The following POLR1A variants were observed in gnomAD, a reference collection of about 807,000 sequenced individuals.
The protein encoded by POLR1A is RNA polymerase I subunit A.
Under a neutral mutation model 205.3 loss-of-function variants are expected in POLR1A, and 84 were observed. The ratio of observed to expected loss-of-function variants is 0.41; its 90% CI spans 0.34 to 0.49. The LOEUF is 0.49. POLR1A is among the 20% of genes least tolerant of loss of function. The pLI is 0.22. For missense variants in POLR1A, 1,645 were observed against 2,204.5 expected (o/e 0.75, Z 5.08); for synonymous variants, 799 against 863.7 (o/e 0.93, Z 1.31).
chr2:86,022,058 C>T lies in POLR1A; in HGVS notation c.*5365G>A, dbSNP rs1271311414. The T allele has an allele frequency of 4.6e-5, 7 of 152,222 alleles. No individual in the cohort carries two copies. The highest frequency in any genetic ancestry group is 7.3e-5 in the Non-Finnish European group (5 of 68,046). 9.4% of individuals were successfully genotyped at this position (152,222 alleles called of 1,614,324 possible). The stretch of plus-strand genomic sequence containing the variant: ...GATGCTGCTTAAAGAACTTAAGGAA[C>T]GAATCTGATTAAATAATTATGATTT... On this transcript the variant is annotated 3_prime_UTR_variant, in exon 34 of 34. Transcript: ENST00000263857.
In POLR1A at chr2:86,038,894, A is replaced by G. The variant is rs781730725; in HGVS notation, c.3877-37T>C. ...CGGACAGAGAGAACTTGACTTGTTC[A>G]GGTCCTAGGTGACTGCGCAATGTGA... is the stretch of plus-strand genomic sequence containing the variant. On this transcript the variant is annotated intron_variant, in intron 26 of 33. Transcript: ENST00000263857. The G allele has an allele frequency of 5.0e-6, 8 of 1,605,924 alleles. No individual in the cohort carries two copies. The Middle Eastern group carries it at 9.9e-4, about 199-fold the overall frequency.
chr2:86,080,410 G>A (rs1488049186), intron 9 of POLR1A, among the ~76,000 whole-genome samples: 2 of 152,216 alleles, frequency 1.3e-5, no homozygotes, highest in East Asian at 3.8e-4. Flanking sequence ...ATGAGCTCTA[G>A]TACTGTGACC....
At position 86,042,049 on chromosome 2, in the gene POLR1A, T is replaced by C. The variant is rs766950713; in HGVS notation, c.3412A>G (p.Lys1138Glu). The stretch of plus-strand genomic sequence containing the variant: ...CTGGGGTCAGGACAAGCGGCCGCCT[T>C]CTTCTGGTATTTCCTTCGGCTTTCC... Reference protein sequence around the residue: ...DEESRRKYQKKAAACPDPSLS... With the variant: ...DEESRRKYQKEAAACPDPSLS... Residue 1138 changes from lysine (K) to glutamate (E), a missense_variant, in exon 24 of 34, where the codon AAG (lysine) becomes GAG (glutamate). Coordinates refer to ENST00000263857, the MANE Select transcript of POLR1A (RefSeq NM_015425.6). The C allele has an allele frequency of 1.4e-5, 22 of 1,613,596 alleles. No homozygotes were observed. The highest frequency in any genetic ancestry group is 1.7e-4 in the Middle Eastern group (1 of 5,726).
At position 86,040,425 on chromosome 2, in the gene POLR1A, C is replaced by T; in HGVS notation, c.3707G>A (p.Arg1236Lys). 6.2e-7 allele frequency: 1 copy of T among 1,612,814 alleles called. No individual in the cohort carries two copies. The stretch of plus-strand genomic sequence containing the variant: ...GCCCAGGGTGACGTTCATCTCGCCT[C>T]TGCCTGCAAAGTGGAAGGTGTTGAG... ...MTLNTFHFAG[R>K]GEMNVTLGIP... The change falls in exon 25 of 34, where the codon AGA becomes AAA. Residue 1236 changes from arginine to lysine, a missense_variant. Coordinates refer to ENST00000263857, the MANE Select transcript of POLR1A (RefSeq NM_015425.6).
rs191224187 is a variant in POLR1A, at chr2:86,082,125, C to T, written c.818-419G>A. On this transcript the variant is annotated intron_variant, in intron 7 of 33. Coordinates refer to ENST00000263857, the MANE Select transcript of POLR1A (RefSeq NM_015425.6). ...TGCTGTGATTGGAGGCATGAGCCAA[C>T]GTGCCTGGCCTCATTTTTCTTTATA... 2.5e-3 allele frequency among the ~76,000 whole-genome samples: 375 copies of T among 152,174 alleles called. 3 individuals are homozygous for T. The highest frequency in any genetic ancestry group is 8.6e-3 in the African/African-American group (355 of 41,504).
chr2:86,031,611 C>A lies in POLR1A; in HGVS notation c.4297G>T (p.Glu1433Ter), dbSNP rs771621972. ...TCGTTCTCCTCGCCCTCCCTCTCCTCCTCTTCCTCACTCTCATAATCAACC... is the reference window on the plus strand; with the variant it reads ...TCGTTCTCCTCGCCCTCCCTCTCCTACTCTTCCTCACTCTCATAATCAACC... Reference protein sequence around the residue: ...EEVDYESEEEEEREGEENDDE... With the variant: ...EEVDYESEEE Residue 1433 changes from glutamate (E) to a stop codon, truncating the protein, a stop_gained, in exon 30 of 34, where the codon GAG (glutamate) becomes TAG (stop). Transcript: ENST00000263857. LOFTEE classifies it high-confidence loss of function. 8 of 1,612,876 alleles carry A rather than the reference C, an allele frequency of 5.0e-6. No individual in the cohort carries two copies. The South Asian group carries it at 8.8e-5, about 18-fold the overall frequency.
chr2:86,053,834 A>C (rs1187237620), intron 15 of POLR1A, among the ~76,000 whole-genome samples: 2 of 152,180 alleles, frequency 1.3e-5, no homozygotes, highest in Admixed American at 6.5e-5. Flanking sequence ...GATTATCTGA[A>C]GCCACTCAGC....
At chr2:86,063,760 G>A (rs534456672) in intron 14 of POLR1A, among the ~76,000 whole-genome samples, 2 of 152,160 alleles carry the variant, frequency 1.3e-5, no homozygotes, top group Non-Finnish European at 2.9e-5. Context: ...AGCAGGAAGA[G>A]ACCTTAGAGA....
intron 19 of POLR1A, 55 bp from the exon 20 acceptor site, chr2:86,045,824 G>A (rs1191682313): frequency 2.0e-6 from 3 of 1,489,504 alleles, no homozygotes; most frequent in South Asian, 2.4e-5. Context: ...GTTTAACAGT[G>A]CTTTGTCCCA....
Position 86,024,769 on chromosome 2 carries a change from A to T in POLR1A, c.*2654T>A, listed in dbSNP as rs969841688. 1 of 152,232 alleles carries T rather than the reference A, an allele frequency of 6.6e-6. No individual in the cohort carries two copies. The highest frequency in any genetic ancestry group is 1.5e-5 in the Non-Finnish European group (1 of 68,052). The allele number at this position is 152,232 out of a possible 1,614,324, so 9.4% of individuals were successfully genotyped here. On this transcript the variant is annotated 3_prime_UTR_variant, in exon 34 of 34. Coordinates refer to ENST00000263857, the MANE Select transcript of POLR1A (RefSeq NM_015425.6). Reference sequence around the variant, plus strand: ...GTTAGAAGCAAGCAAGTAGGTATGGATATCACCCCAAAGGGCAAGGTGAGA... The same window carrying T: ...GTTAGAAGCAAGCAAGTAGGTATGGTTATCACCCCAAAGGGCAAGGTGAGA...
chr2:86,089,080 A>C (rs1323786014), intron 4 of POLR1A, among the ~76,000 whole-genome samples: 1 of 152,260 alleles, frequency 6.6e-6, no homozygotes, highest in Non-Finnish European at 1.5e-5. Context: ...CTCAATTATA[A>C]TATGGGAATA....
chr2:86,040,501 C>G lies in POLR1A; in HGVS notation c.3631G>C (p.Val1211Leu). 1 of 1,611,716 alleles carries G rather than the reference C, an allele frequency of 6.2e-7. No homozygotes were observed. Among genetic ancestry groups the G allele is most frequent in the Non-Finnish European group, 8.5e-7 (1 of 1,178,948 alleles). Residue 1211 changes from valine (V) to leucine (L), a missense_variant, in exon 25 of 34, where the codon GTG becomes CTG. This residue lies in a region of POLR1A where 13 missense variants were observed against 55.1 expected (regional missense o/e 0.24). Coordinates refer to ENST00000263857, the MANE Select transcript of POLR1A (RefSeq NM_015425.6). ...QRSLCEPGEA[V>L]GLLAAQSIGE... ...ATGCTCTGGGCAGCCAGCAGGCCCA[C>G]AGCCTCGCCCGGCTCACACAGTGAG...
chr2:86,090,044 A>G, intron 3 of POLR1A, 115 bp from the exon 4 acceptor site: 2 of 635,608 alleles, frequency 3.1e-6, no homozygotes, highest in Non-Finnish European at 5.6e-6. Context: ...GGAGAAAAAG[A>G]AACTATGGCT....
At chr2:86,050,153 T>A (rs1672777527) in intron 16 of POLR1A, among the ~76,000 whole-genome samples, 1 of 152,120 alleles carries the variant, frequency 6.6e-6, no homozygotes, top group Admixed American at 6.5e-5. Flanking sequence ...CTTGACCTCA[T>A]GATCCACCTG....
At chr2:86,062,417 C>T (rs1487846566) in intron 14 of POLR1A, among the ~76,000 whole-genome samples, 1 of 151,628 alleles carries the variant, frequency 6.6e-6, no homozygotes, top group Non-Finnish European at 1.5e-5. Context: ...GAAAAGCCCT[C>T]AATATTTGTA....
At position 86,045,196 on chromosome 2, in the gene POLR1A, T is replaced by C. The variant is rs1354368157; in HGVS notation, c.2969+82A>G. ...GTTTTTTCATCCAAGGAATCTTAAA[T>C]GAGCTGCTGATATAATGTGAAAGAT... On this transcript the variant is annotated intron_variant, in intron 21 of 33. Transcript: ENST00000263857. 101 of 912,132 alleles carry C rather than the reference T, an allele frequency of 1.1e-4. 1 individual carries two copies. Among genetic ancestry groups the C allele is most frequent in the Non-Finnish European group, 9.6e-5 (55 of 572,882 alleles). 56.5% of individuals were successfully genotyped at this position (912,132 alleles called of 1,614,324 possible). A position where few individuals can be genotyped will look rare whatever the true frequency, so the allele number is the denominator to read the frequency against.
chr2:86,097,214 C>CAAAAAAAA (rs757210116), intron 3 of POLR1A, among the ~76,000 whole-genome samples: 2,564 of 39,650 alleles, frequency 0.065, 737 homozygotes, highest in East Asian at 0.15. Flanking sequence ...CCCCAAAAGA[C>CAAAAAAAA]AAAAAAAAAA....
intron 29 of POLR1A, among the ~76,000 whole-genome samples, chr2:86,031,843 C>T (rs962785979): frequency 6.6e-6 from 1 of 152,220 alleles, no homozygotes; most frequent in Admixed American, 6.5e-5. Flanking sequence ...TCCCCCTGAG[C>T]CCCTCACAGA....
chr2:86,081,463 C>G (rs1478348139), intron 8 of POLR1A, 138 bp downstream of exon 8: 4 of 607,176 alleles, frequency 6.6e-6, no homozygotes, highest in Non-Finnish European at 1.2e-5. Context: ...AAAGCAAGCC[C>G]TCCCACCACC....
Sources: gnomAD v4.1 joint callset for allele counts (sites outside exome capture counted in the v4.1 genomes callset) on GRCh38, gnomAD v4.1.1 for gene constraint, gnomAD v4.1.1 regional missense constraint, MANE v1.5 for transcripts, NCBI Gene and HGNC (gene_info 2026-07-23, HGNC 2026-07-21) for gene names.